Variants in CYTH3 observed in about 807,000 individuals in gnomAD.
The protein encoded by CYTH3 is cytohesin-3.
In CYTH3, 23 loss-of-function variants were observed where a neutral mutation model predicts 55.1. The ratio of observed to expected loss-of-function variants is 0.42; its 90% CI spans 0.30 to 0.59. The LOEUF (loss-of-function observed/expected upper bound fraction) is 0.59. CYTH3 is among the 20% of genes least tolerant of loss of function. The pLI is 0.20. For missense variants in CYTH3, 413 were observed against 524.8 expected, an observed-to-expected ratio of 0.79 and a Z score of 2.08; for synonymous variants, 249 against 194.9, an observed-to-expected ratio of 1.28 and a Z score of -2.31.
At chr7:6,242,582 G>T (rs1432807093) in intron 1 of CYTH3, among the ~76,000 whole-genome samples, 3 of 151,466 alleles carry the variant, frequency 2.0e-5, no homozygotes, top group African/African-American at 7.3e-5. Flanking sequence ...TCACCATATT[G>T]GCCAGGCTGG....
chr7:6,235,095 T>G (rs1414099587), intron 1 of CYTH3, among the ~76,000 whole-genome samples: 2 of 152,148 alleles, frequency 1.3e-5, no homozygotes, highest in Non-Finnish European at 2.9e-5. Context: ...TGCGCATGTA[T>G]ATTTCCTCCT....
chr7:6,165,340 T>TC lies in CYTH3; in HGVS notation c.1059dup (p.Asn354GlufsTer33). Reference sequence around the variant, plus strand: ...GCTGAGATCCGGTACACCACATGGTTCCCCTCTACCACGCGGCCGTCGGCC... The same window carrying TC: ...GCTGAGATCCGGTACACCACATGGTTCCCCCTCTACCACGCGGCCGTCGGCC... On this transcript the variant is annotated frameshift_variant, in exon 12 of 13. Coordinates refer to ENST00000350796, the MANE Select transcript of CYTH3 (RefSeq NM_004227.4). LOFTEE classifies it high-confidence loss of function. The TC allele has an allele frequency of 6.2e-7, 1 of 1,614,142 alleles. No individual in the cohort carries two copies. Among genetic ancestry groups the TC allele is most frequent in the Non-Finnish European group, 8.5e-7 (1 of 1,180,040 alleles).
At chr7:6,272,380 C>T in intron 1 of CYTH3, 94 bp downstream of exon 1, 3 of 1,166,048 alleles carry the variant, frequency 2.6e-6, no homozygotes, top group Non-Finnish European at 3.2e-6. Context: ...CCGTCTCCTC[C>T]GGCGAACCCC....
At chr7:6,259,975 C>T (rs1436114299) in intron 1 of CYTH3, among the ~76,000 whole-genome samples, 1 of 147,758 alleles carries the variant, frequency 6.8e-6, no homozygotes, top group East Asian at 2.0e-4. Flanking sequence ...GGATTGCAGG[C>T]ATGCACCACC....
chr7:6,192,186 G>A (rs796196636), intron 1 of CYTH3, among the ~76,000 whole-genome samples: 25 of 152,190 alleles, frequency 1.6e-4, no homozygotes, highest in Non-Finnish European at 3.1e-4. Context: ...CAAAGAATTC[G>A]GATTCAAAAT....
rs1312294943 is a variant in CYTH3, at chr7:6,170,763, G to A, written c.711+67C>T. 2.5e-6 allele frequency: 4 copies of A among 1,570,804 alleles called. No homozygotes were observed. The highest frequency in any genetic ancestry group is 2.3e-5 in the East Asian group (1 of 43,308). ...GCTTGGGAGGCGTGTCTAGAGCCGC[G>A]GGCGCTGCGGCCGCTCACAGCGAAG... On this transcript the variant is annotated intron_variant, in intron 8 of 12. Transcript: ENST00000350796. This position sits in a 1 kb window ranked among gnomAD's most constrained non-coding sequence, Gnocchi z 7.8.
intron 1 of CYTH3, among the ~76,000 whole-genome samples, chr7:6,206,471 C>T (rs993043328): frequency 1.3e-5 from 2 of 152,184 alleles, no homozygotes; most frequent in African/African-American, 4.8e-5. Context: ...AAAGTACTGC[C>T]TGAAGAAGGG....
Position 6,165,813 on chromosome 7 carries a change from A to G in CYTH3, c.824-3T>C, listed in dbSNP as rs1252415525. The stretch of plus-strand genomic sequence containing the variant: ...CTTCCAGGTCTTCACACGCCCTCCT[A>G]GAAGCAGAAGGGCCCCGTGAGTCTG... On this transcript the variant is annotated splice_polypyrimidine_tract_variant and splice_region_variant and intron_variant, in intron 9 of 12. Transcript: ENST00000350796. 1.2e-6 allele frequency: 2 copies of G among 1,613,940 alleles called. No individual in the cohort carries two copies. Among genetic ancestry groups the G allele is most frequent in the Non-Finnish European group, 1.7e-6 (2 of 1,179,930 alleles).
chr7:6,198,369 GT>G (rs1783983746), intron 1 of CYTH3, among the ~76,000 whole-genome samples: 1 of 141,522 alleles, frequency 7.1e-6, no homozygotes. Context: ...TAGACCAGCT[GT>G]TTAGTGACGT....
chr7:6,179,398 G>A (rs905138233), intron 4 of CYTH3, among the ~76,000 whole-genome samples: 4 of 152,146 alleles, frequency 2.6e-5, no homozygotes, highest in Non-Finnish European at 5.9e-5. Context: ...CTACAACTGC[G>A]GCTTGTTCTG....
intron 1 of CYTH3, among the ~76,000 whole-genome samples, chr7:6,254,636 G>A (rs1453277738): frequency 6.6e-6 from 1 of 152,194 alleles, no homozygotes; most frequent in African/African-American, 2.4e-5. Flanking sequence ...TTTTAGTAGA[G>A]ACAGGCTTTC....
At chr7:6,215,665 C>A (rs1189361771) in intron 1 of CYTH3, among the ~76,000 whole-genome samples, 1 of 151,302 alleles carries the variant, frequency 6.6e-6, no homozygotes, top group Non-Finnish European at 1.5e-5. Context: ...GTGAAAACTT[C>A]TTCTCAAACT....
At chr7:6,260,809 AG>A (rs1780335674) in intron 1 of CYTH3, among the ~76,000 whole-genome samples, 1 of 151,858 alleles carries the variant, frequency 6.6e-6, no homozygotes. Flanking sequence ...TTCCTATGTG[AG>A]CTCTTCCACC....
At chr7:6,230,380 C>A (rs1779361691) in intron 1 of CYTH3, among the ~76,000 whole-genome samples, 1 of 152,148 alleles carries the variant, frequency 6.6e-6, no homozygotes, top group African/African-American at 2.4e-5. Flanking sequence ...TCCCGTTCTA[C>A]CGCAGGGAAA....
chr7:6,166,653 T>G (rs1783019294), intron 9 of CYTH3, among the ~76,000 whole-genome samples: 1 of 152,144 alleles, frequency 6.6e-6, no homozygotes, highest in South Asian at 2.1e-4. Flanking sequence ...CTTTCCCTGT[T>G]GGGGCCTGGT....
At chr7:6,184,885 C>A (rs1783597798) in intron 4 of CYTH3, among the ~76,000 whole-genome samples, 1 of 152,260 alleles carries the variant, frequency 6.6e-6, no homozygotes, top group East Asian at 1.9e-4. Flanking sequence ...GACTCAGTAG[C>A]ATCCCTTTAA....
chr7:6,272,410 G>GGGGGGGGGGGGGGGGGGGGGGC, intron 1 of CYTH3, 64 bp downstream of exon 1: 1 of 1,216,618 alleles, frequency 8.2e-7, no homozygotes, highest in Non-Finnish European at 1.1e-6. Flanking sequence ...CCGCGCCCTC[G>GGGGGGGGGGGGGGGGGGGGGGC]ACCCCCAGCC....
chr7:6,205,694 T>C (rs1254891653), intron 1 of CYTH3, among the ~76,000 whole-genome samples: 1 of 151,932 alleles, frequency 6.6e-6, no homozygotes, highest in East Asian at 1.9e-4. Flanking sequence ...GTGGGCAATA[T>C]AGCAAGGCCC....
At chr7:6,252,286 T>A (rs749119512) in intron 1 of CYTH3, among the ~76,000 whole-genome samples, 5 of 152,348 alleles carry the variant, frequency 3.3e-5, no homozygotes, top group African/African-American at 4.8e-5. Flanking sequence ...TTTGCCCTAT[T>A]TTACAAGAGG....
Sources: gnomAD v4.1 joint callset for allele counts (sites outside exome capture counted in the v4.1 genomes callset) on GRCh38, gnomAD v4.1.1 for gene constraint, Gnocchi (gnomAD v3.1) non-coding constraint, MANE v1.5 for transcripts, NCBI Gene and HGNC (gene_info 2026-07-23, HGNC 2026-07-21) for gene names.